Variants in ITSN2 observed in about 807,000 individuals in gnomAD.
ITSN2 encodes intersectin-2.
ITSN2 carries 156 observed loss-of-function variants against 243.7 expected under a neutral mutation model. The ratio of observed to expected loss-of-function variants is 0.64; its 90% CI spans 0.56 to 0.73. The LOEUF (loss-of-function observed/expected upper bound fraction) is 0.73. Among genes scored for constraint, ITSN2 ranks in the 30% least tolerant of loss-of-function variants. ITSN2 has a pLI of 0.00. For missense variants in ITSN2, 1,801 were observed against 1,996.1 expected (o/e 0.90, Z 1.86); for synonymous variants, 703 against 699.9 (o/e 1.00, Z -0.07).
At chr2:24,208,418 C>A in intron 36 of ITSN2, 99 bp from the exon 37 acceptor site, 2 of 878,036 alleles carry the variant, frequency 2.3e-6, no homozygotes, top group Non-Finnish European at 3.7e-6. Flanking sequence ...TTTTGCTAAC[C>A]TCAACTTTCA....
intron 37 of ITSN2, 160 bp from the exon 38 acceptor site, chr2:24,205,457 G>A: frequency 5.0e-6 from 3 of 599,078 alleles, no homozygotes; most frequent in South Asian, 3.7e-5. Context: ...CCCAGGCTGT[G>A]TTGCCTGCTA....
At chr2:24,312,866 G>A (rs1683423546) in intron 4 of ITSN2, among the ~76,000 whole-genome samples, 1 of 151,896 alleles carries the variant, frequency 6.6e-6, no homozygotes, top group African/African-American at 2.4e-5. Context: ...GACTAATTTG[G>A]GGTTTATAGA....
intron 4 of ITSN2, 68 bp from the exon 5 acceptor site, chr2:24,312,443 G>A: frequency 1.1e-5 from 13 of 1,213,324 alleles, no homozygotes; most frequent in South Asian, 1.0e-4. Context: ...GTTATTTTGG[G>A]GATTGACAAA....
Position 24,329,116 on chromosome 2 carries a change from A to G in ITSN2, c.-33-1001T>C, listed in dbSNP as rs560185406. Among the ~76,000 whole-genome samples the G allele has an allele frequency of 8.3e-4, 126 of 152,376 alleles. 2 individuals are homozygous for G. In the South Asian group the frequency reaches 0.011, roughly 14 times the overall value. On this transcript the variant is annotated intron_variant, in intron 1 of 39. Coordinates refer to ENST00000355123, the MANE Select transcript of ITSN2 (RefSeq NM_006277.3). Reference sequence around the variant, plus strand: ...CATAATCCAGTAAACTGCCTGCCACATAGGGTGTTCAACAAATGGCTGCTA... The same window carrying G: ...CATAATCCAGTAAACTGCCTGCCACGTAGGGTGTTCAACAAATGGCTGCTA...
At chr2:24,258,149 G>T in intron 22 of ITSN2, 56 bp from the exon 23 acceptor site, 1 of 1,288,876 alleles carries the variant, frequency 7.8e-7, no homozygotes. Context: ...TATGATTTCT[G>T]TTTCTGTGTA....
intron 29 of ITSN2, among the ~76,000 whole-genome samples, chr2:24,222,210 C>G (rs1670528952): frequency 7.2e-6 from 1 of 139,306 alleles, no homozygotes; most frequent in Admixed American, 7.9e-5. Flanking sequence ...CGAGATCGCA[C>G]CACTGCACTC....
intron 13 of ITSN2, among the ~76,000 whole-genome samples, chr2:24,298,139 C>A (rs920381251): frequency 1.3e-5 from 2 of 151,696 alleles, no homozygotes; most frequent in Non-Finnish European, 2.9e-5. Flanking sequence ...CACCCACCAC[C>A]ACCCACCACG....
intron 39 of ITSN2, 186 bp from the exon 40 acceptor site, chr2:24,203,969 G>A: frequency 1.5e-6 from 1 of 652,826 alleles, no homozygotes; most frequent in East Asian, 2.7e-5. Flanking sequence ...GTGAGAAGCT[G>A]CCACATGGAA....
chr2:24,292,777 C>A (rs1354743328), intron 15 of ITSN2, among the ~76,000 whole-genome samples: 1 of 152,214 alleles, frequency 6.6e-6, no homozygotes, highest in African/African-American at 2.4e-5. Context: ...ACAGATAAAC[C>A]ACACTGCCTA....
intron 1 of ITSN2, among the ~76,000 whole-genome samples, chr2:24,328,865 G>A (rs889395990): frequency 6.6e-6 from 1 of 152,148 alleles, no homozygotes; most frequent in Non-Finnish European, 1.5e-5. Context: ...TAGTCTAAAA[G>A]TAATTATTAA....
At chr2:24,306,783 A>G (rs975373178) in intron 8 of ITSN2, among the ~76,000 whole-genome samples, 2 of 151,872 alleles carry the variant, frequency 1.3e-5, no homozygotes, top group Admixed American at 1.3e-4. Flanking sequence ...CTATAGGCAC[A>G]TGCCGCTATG....
intron 1 of ITSN2, among the ~76,000 whole-genome samples, chr2:24,348,026 T>C (rs960710842): frequency 4.6e-5 from 7 of 151,930 alleles, no homozygotes; most frequent in African/African-American, 1.7e-4. Flanking sequence ...CAGTGAGCTA[T>C]GAACATGAGA....
chr2:24,327,125 C>A (rs1010787902), intron 2 of ITSN2, among the ~76,000 whole-genome samples: 1 of 151,630 alleles, frequency 6.6e-6, no homozygotes. Flanking sequence ...ATTTCTTTAG[C>A]GATTTAAAAA....
chr2:24,251,089 C>T (rs1170044606), intron 25 of ITSN2, among the ~76,000 whole-genome samples: 1 of 151,104 alleles, frequency 6.6e-6, no homozygotes, highest in Non-Finnish European at 1.5e-5. Flanking sequence ...CTTTGGGAGG[C>T]TGAGGCAGGC....
intron 1 of ITSN2, among the ~76,000 whole-genome samples, chr2:24,328,837 C>A (rs1311095569): frequency 6.6e-6 from 1 of 152,122 alleles, no homozygotes; most frequent in Non-Finnish European, 1.5e-5. Flanking sequence ...TTTAAATGAG[C>A]TCAAGGGGTT....
At chr2:24,252,565 G>A (rs1674485292) in intron 24 of ITSN2, 54 bp from the exon 25 acceptor site, 1 of 1,344,876 alleles carries the variant, frequency 7.4e-7, no homozygotes, top group Admixed American at 2.1e-5. Flanking sequence ...TTACAGAAGT[G>A]AAAAAGAAAT....
chr2:24,337,335 T>TATATATATATATATATATAC lies in ITSN2; in HGVS notation c.-33-9221_-33-9220insGTATATATATATATATATAT, dbSNP rs1558650606. Among the ~76,000 whole-genome samples, 3 of 108,966 alleles carry TATATATATATATATATATAC rather than the reference T, an allele frequency of 2.8e-5. 1 individual carries two copies. Among genetic ancestry groups the TATATATATATATATATATAC allele is most frequent in the Non-Finnish European group, 5.6e-5 (3 of 53,440 alleles). The allele number at this position is 108,966 out of a possible 152,430, so 71.5% of individuals were successfully genotyped here. On this transcript the variant is annotated intron_variant, in intron 1 of 39. Coordinates refer to ENST00000355123, the MANE Select transcript of ITSN2 (RefSeq NM_006277.3). ...CACAAAATATATATATATATATATA[T>TATATATATATATATATATAC]ATATATATATATATATATGTAATTT...
At chr2:24,277,336 T>C (rs1304226659) in intron 17 of ITSN2, among the ~76,000 whole-genome samples, 12 of 152,228 alleles carry the variant, frequency 7.9e-5, no homozygotes, top group Admixed American at 7.2e-4. Context: ...ACTCCATTTC[T>C]TTTCAGAGAT....
chr2:24,317,827 G>C (rs1310286342), intron 2 of ITSN2, among the ~76,000 whole-genome samples: 1 of 152,186 alleles, frequency 6.6e-6, no homozygotes, highest in East Asian at 1.9e-4. Context: ...GGGATGGTGG[G>C]GGAGGTCTCA....
Sources: gnomAD v4.1 joint callset for allele counts (sites outside exome capture counted in the v4.1 genomes callset) on GRCh38, gnomAD v4.1.1 for gene constraint, MANE v1.5 for transcripts, NCBI Gene and HGNC (gene_info 2026-07-23, HGNC 2026-07-21) for gene names.